Variants in ODAD2 observed in about 807,000 individuals in gnomAD.
ODAD2 encodes the protein outer dynein arm docking complex subunit 2.
In ODAD2, 89 loss-of-function variants were observed where a neutral mutation model predicts 106.8. That is an observed-to-expected ratio of 0.83 (90% CI 0.70 to 0.99). ODAD2 has a LOEUF of 0.99. ODAD2 is among the 50% of genes least tolerant of loss of function. The pLI is 0.00. For missense variants in ODAD2, 1,168 were observed against 1,238.5 expected, an observed-to-expected ratio of 0.94 and a Z score of 0.85; for synonymous variants, 404 against 436.2, an observed-to-expected ratio of 0.93 and a Z score of 0.92.
intron 10 of ODAD2, among the ~76,000 whole-genome samples, chr10:27,957,903 G>A (rs1564547947): frequency 6.6e-6 from 1 of 152,008 alleles, no homozygotes; most frequent in Non-Finnish European, 1.5e-5. Context: ...AGAAAGTCAG[G>A]TCAACATGAA....
intron 1 of ODAD2, among the ~76,000 whole-genome samples, 192 bp from the exon 2 acceptor site, chr10:27,995,372 G>A (rs1850499038): frequency 6.6e-6 from 1 of 152,070 alleles, no homozygotes; most frequent in Non-Finnish European, 1.5e-5. Context: ...AAACTGACTA[G>A]TATTTAAGAA....
At chr10:27,938,382 GGTGGGAGGACACAGGGAA>G (rs889078635) in intron 14 of ODAD2, among the ~76,000 whole-genome samples, 6 of 152,090 alleles carry the variant, frequency 3.9e-5, no homozygotes, top group African/African-American at 1.4e-4. Flanking sequence ...AAGGAAAGAC[GGTGGGAGGACACAGGGAA>G]AAGGCAGCCG....
intron 10 of ODAD2, among the ~76,000 whole-genome samples, chr10:27,956,519 T>C (rs1847747815): frequency 6.6e-6 from 1 of 152,192 alleles, no homozygotes; most frequent in Admixed American, 6.5e-5. Context: ...CTAGAGCTGG[T>C]GCCTGGACAA....
chr10:27,839,092 A>G (rs1838118781), intron 19 of ODAD2, among the ~76,000 whole-genome samples: 2 of 152,214 alleles, frequency 1.3e-5, no homozygotes, highest in African/African-American at 2.4e-5. Flanking sequence ...TTGTGATCAG[A>G]AAAACTGTAA....
At position 27,935,231 on chromosome 10, in the gene ODAD2, A is replaced by T. The variant is rs1590066038; in HGVS notation, c.2274T>A (p.Ile758=). ...NVTKFREYKA[I]ETLVGLLTDQ... is the part of the protein sequence containing the mutation. ...CTGTTAGAAGTCCCACCAAGGTTTC[A>T]ATGGCTTTGTATTCCCGAAACCTAA... is the stretch of plus-strand genomic sequence containing the variant. Residue 758 remains isoleucine (I), a synonymous_variant, in exon 16 of 20, where the codon ATT becomes ATA. Coordinates refer to ENST00000305242, the MANE Select transcript of ODAD2 (RefSeq NM_018076.5). 3 of 1,613,904 alleles carry T rather than the reference A, an allele frequency of 1.9e-6. No individual in the cohort carries two copies. Among genetic ancestry groups the T allele is most frequent in the Non-Finnish European group, 1.7e-6 (2 of 1,179,832 alleles).
At chr10:27,933,452 T>C (rs932494891) in intron 16 of ODAD2, among the ~76,000 whole-genome samples, 1 of 152,100 alleles carries the variant, frequency 6.6e-6, no homozygotes, top group African/African-American at 2.4e-5. Context: ...CATTATCAGA[T>C]ATGCAGTTTA....
chr10:27,857,433 A>G (rs1185751247), intron 19 of ODAD2, among the ~76,000 whole-genome samples: 1 of 152,202 alleles, frequency 6.6e-6, no homozygotes, highest in Non-Finnish European at 1.5e-5. Context: ...TTGACAGTGT[A>G]GTGGGTCATG....
intron 17 of ODAD2, among the ~76,000 whole-genome samples, chr10:27,870,600 C>T (rs557080375): frequency 1.5e-4 from 23 of 152,032 alleles, no homozygotes; most frequent in African/African-American, 4.6e-4. Flanking sequence ...TGAGAATATG[C>T]GGTGTTTGGT....
intron 14 of ODAD2, among the ~76,000 whole-genome samples, chr10:27,937,523 A>G (rs888093581): frequency 6.6e-6 from 1 of 152,066 alleles, no homozygotes; most frequent in African/African-American, 2.4e-5. Context: ...ATTTTATTCA[A>G]ATATGCTTAT....
chr10:27,891,822 A>T (rs1456743586), intron 17 of ODAD2, among the ~76,000 whole-genome samples: 1 of 152,222 alleles, frequency 6.6e-6, no homozygotes, highest in African/African-American at 2.4e-5. Flanking sequence ...AAAAGGCATG[A>T]AAATAATCGT....
chr10:27,826,312 G>A (rs1039152787), intron 19 of ODAD2, among the ~76,000 whole-genome samples: 12 of 152,070 alleles, frequency 7.9e-5, no homozygotes, highest in Non-Finnish European at 1.5e-4. Context: ...CCAGGCTTCC[G>A]GATCATGTAC....
intron 17 of ODAD2, among the ~76,000 whole-genome samples, chr10:27,882,986 A>C (rs2133588078): frequency 6.6e-6 from 1 of 152,236 alleles, no homozygotes; most frequent in East Asian, 1.9e-4. Flanking sequence ...AGGCTGGTCA[A>C]AAAAATTAAA....
chr10:27,812,457 A>T lies in ODAD2; in HGVS notation c.*55T>A. 6.6e-7 allele frequency: 1 copy of T among 1,518,674 alleles called. No homozygotes were observed. The highest frequency in any genetic ancestry group is 1.4e-5 in the African/African-American group (1 of 71,554). The allele number at this position is 1,518,674 out of a possible 1,614,324, so 94.1% of individuals were successfully genotyped here. A position where few individuals can be genotyped will look rare whatever the true frequency, so the allele number is the denominator to read the frequency against. On this transcript the variant is annotated 3_prime_UTR_variant, in exon 20 of 20. Transcript: ENST00000305242. ...CCAATTTAGGCTTTCTGGCCATGGG[A>T]GTGACATGTCCTGTGTCATGTAGAA...
chr10:27,844,302 G>A (rs1227022133), intron 19 of ODAD2, among the ~76,000 whole-genome samples: 3 of 152,206 alleles, frequency 2.0e-5, no homozygotes, highest in Non-Finnish European at 4.4e-5. Flanking sequence ...TGGAGCCCTT[G>A]GGATGGATTT....
At chr10:27,973,087 A>C (rs899556606) in intron 7 of ODAD2, among the ~76,000 whole-genome samples, 5 of 152,208 alleles carry the variant, frequency 3.3e-5, no homozygotes, top group Non-Finnish European at 7.4e-5. Flanking sequence ...GAAATTAGTA[A>C]AAGAAAGTTC....
chr10:27,863,342 A>C (rs1840203734), intron 17 of ODAD2, among the ~76,000 whole-genome samples: 1 of 152,216 alleles, frequency 6.6e-6, no homozygotes. Context: ...CACTAAATGG[A>C]CTGCAAAATG....
In ODAD2 at chr10:27,870,986, T is replaced by G. The variant is rs377115270; in HGVS notation, c.2611-8364A>C. ...AGTCCTACCAACAGTGTGAAAGTGT[T>G]CCTATTTCTCTACATCCTCTCCAGC... On this transcript the variant is annotated intron_variant, in intron 17 of 19. Transcript: ENST00000305242. 3.6e-3 allele frequency among the ~76,000 whole-genome samples: 554 copies of G among 152,340 alleles called. 2 individuals carry two copies. The highest frequency in any genetic ancestry group is 5.4e-3 in the Non-Finnish European group (365 of 68,024).
chr10:27,841,054 C>A (rs1314988406), intron 19 of ODAD2, among the ~76,000 whole-genome samples: 1 of 152,110 alleles, frequency 6.6e-6, no homozygotes, highest in Non-Finnish European at 1.5e-5. Flanking sequence ...ATAGATCAAC[C>A]TGAAATACAC....
intron 16 of ODAD2, among the ~76,000 whole-genome samples, chr10:27,927,467 T>A (rs767201591): frequency 4.4e-4 from 67 of 152,258 alleles, no homozygotes; most frequent in South Asian, 2.7e-3. Flanking sequence ...CTAGCAATAA[T>A]AGCCATGCCT....
Sources: gnomAD v4.1 joint callset for allele counts (sites outside exome capture counted in the v4.1 genomes callset) on GRCh38, gnomAD v4.1.1 for gene constraint, MANE v1.5 for transcripts, NCBI Gene and HGNC (gene_info 2026-07-23, HGNC 2026-07-21) for gene names.